Variants in MTMR7 observed in about 807,000 individuals in gnomAD.
MTMR7 encodes the protein phosphatidylinositol-3-phosphate phosphatase MTMR7.
Under a neutral mutation model 81.2 loss-of-function variants are expected in MTMR7, and 76 were observed. That is an observed-to-expected ratio of 0.94 (90% CI 0.78 to 1.13). The LOEUF (loss-of-function observed/expected upper bound fraction) is 1.13. MTMR7 is among the 50% of genes most tolerant of loss of function. The pLI, the probability that MTMR7 is intolerant of heterozygous loss-of-function variation, is 0.00. For missense variants in MTMR7, 1,044 were observed against 820.0 expected, an observed-to-expected ratio of 1.27 and a Z score of -3.34; for synonymous variants, 372 against 289.8, an observed-to-expected ratio of 1.28 and a Z score of -2.88.
intron 1 of MTMR7, among the ~76,000 whole-genome samples, chr8:17,406,860 C>A (rs568019790): frequency 6.6e-6 from 1 of 152,014 alleles, no homozygotes; most frequent in Non-Finnish European, 1.5e-5. Context: ...GAAGAGGTCA[C>A]AAAAGGCCAC....
At chr8:17,357,726 T>C (rs890139429) in intron 4 of MTMR7, among the ~76,000 whole-genome samples, 1 of 152,124 alleles carries the variant, frequency 6.6e-6, no homozygotes, top group African/African-American at 2.4e-5. Flanking sequence ...GGAATAGCAA[T>C]GCCAAACTGC....
intron 5 of MTMR7, 63 bp from the exon 6 acceptor site, chr8:17,341,560 A>C (rs1586220814): frequency 6.4e-7 from 1 of 1,568,632 alleles, no homozygotes; most frequent in Non-Finnish European, 8.7e-7. Context: ...GAGACACTCT[A>C]CGTGTGTCTC....
At chr8:17,359,641 G>A (rs1820002631) in intron 4 of MTMR7, among the ~76,000 whole-genome samples, 1 of 140,880 alleles carries the variant, frequency 7.1e-6, no homozygotes, top group Non-Finnish European at 1.5e-5. Context: ...AAAATACCCA[G>A]AATTCAAAAT....
chr8:17,330,568 T>C (rs1401861673), intron 7 of MTMR7, among the ~76,000 whole-genome samples: 5 of 152,234 alleles, frequency 3.3e-5, no homozygotes, highest in Admixed American at 1.3e-4. Context: ...TCTTCTCTAT[T>C]ACATAATCCA....
intron 1 of MTMR7, among the ~76,000 whole-genome samples, chr8:17,408,824 TTAACTACTAATGGGC>T (rs1322142598): frequency 6.6e-6 from 1 of 152,076 alleles, no homozygotes; most frequent in Non-Finnish European, 1.5e-5. Context: ...ATCATCAAGT[TTAACTACTAATGGGC>T]TAACTACTAA....
chr8:17,399,550 C>T (rs1435473378), intron 1 of MTMR7, among the ~76,000 whole-genome samples: 2 of 152,136 alleles, frequency 1.3e-5, no homozygotes, highest in South Asian at 2.1e-4. Context: ...AATGCCCATA[C>T]AACCCAAAGT....
chr8:17,301,384 G>A (rs1016723630), intron 13 of MTMR7, among the ~76,000 whole-genome samples: 5 of 152,190 alleles, frequency 3.3e-5, no homozygotes, highest in African/African-American at 1.2e-4. Context: ...TGGACATTCT[G>A]GTGATAGCTA....
At chr8:17,305,131 A>T (rs1817369260) in intron 11 of MTMR7, among the ~76,000 whole-genome samples, 1 of 152,222 alleles carries the variant, frequency 6.6e-6, no homozygotes, top group Non-Finnish European at 1.5e-5. Flanking sequence ...TATCCACTAC[A>T]AAAATTAATT....
At chr8:17,322,061 T>C (rs1195226514) in intron 7 of MTMR7, among the ~76,000 whole-genome samples, 2 of 152,176 alleles carry the variant, frequency 1.3e-5, no homozygotes, top group Non-Finnish European at 2.9e-5. Context: ...GTCTTTCTTG[T>C]ACCCTGAGAT....
At chr8:17,407,957 T>C (rs1291450473) in intron 1 of MTMR7, among the ~76,000 whole-genome samples, 3 of 152,138 alleles carry the variant, frequency 2.0e-5, no homozygotes, top group Non-Finnish European at 4.4e-5. Flanking sequence ...GAAAATGAGA[T>C]CACTATTTGC....
chr8:17,325,109 A>G (rs1818612599), intron 7 of MTMR7, among the ~76,000 whole-genome samples: 1 of 152,112 alleles, frequency 6.6e-6, no homozygotes, highest in Non-Finnish European at 1.5e-5. Flanking sequence ...GTGTCGAGCA[A>G]AAGGGACATC....
At position 17,313,345 on chromosome 8, in the gene MTMR7, C is replaced by T; in HGVS notation, c.922G>A (p.Gly308Ser). The T allele has an allele frequency of 2.5e-6, 4 of 1,613,036 alleles. No homozygotes were observed. Among genetic ancestry groups the T allele is most frequent in the Non-Finnish European group, 3.4e-6 (4 of 1,179,214 alleles). ...ATGGCTTTAATGTGCCTTAACCAGC[C>T]AGAGTTCTCCAGACCCCACAGGAAA... ...SDFLWGLENS[G>S]WLRHIKAIMD... is the part of the protein sequence containing the mutation. Residue 308 changes from glycine (G) to serine (S), a missense_variant, in exon 8 of 14, where the codon GGC (glycine) becomes AGC (serine). Physicochemically the swap from Gly to Ser is moderately conservative, Grantham distance 56. Coordinates refer to ENST00000180173, the MANE Select transcript of MTMR7 (RefSeq NM_004686.5).
At chr8:17,375,229 A>C (rs999990920) in intron 1 of MTMR7, among the ~76,000 whole-genome samples, 6 of 151,870 alleles carry the variant, frequency 4.0e-5, no homozygotes, top group African/African-American at 1.5e-4. Context: ...AGGACCCAAG[A>C]CCTCCCATTG....
intron 1 of MTMR7, among the ~76,000 whole-genome samples, chr8:17,387,994 A>C (rs929879800): frequency 1.3e-5 from 2 of 152,214 alleles, no homozygotes; most frequent in Non-Finnish European, 2.9e-5. Flanking sequence ...ATACAAGCTA[A>C]AATAGTGACA....
chr8:17,354,658 C>A (rs886441644), intron 4 of MTMR7, among the ~76,000 whole-genome samples: 1 of 152,124 alleles, frequency 6.6e-6, no homozygotes, highest in Non-Finnish European at 1.5e-5. Context: ...AATGACACTT[C>A]CTGACCCACC....
intron 1 of MTMR7, among the ~76,000 whole-genome samples, chr8:17,391,181 T>G (rs1433799549): frequency 6.6e-6 from 1 of 152,010 alleles, no homozygotes; most frequent in Admixed American, 6.6e-5. Context: ...AAGTAGGAGA[T>G]GAGGTGCCCA....
At chr8:17,355,724 T>C (rs1400831988) in intron 4 of MTMR7, among the ~76,000 whole-genome samples, 7 of 127,164 alleles carry the variant, frequency 5.5e-5, no homozygotes, top group Non-Finnish European at 1.1e-4. Flanking sequence ...GGCTACATTA[T>C]ATAAAGAACT....
rs147637471 is a variant in MTMR7 at position 17,311,530 on chromosome 8, C to T, written c.1082G>A (p.Arg361Gln). Residue 361 changes from arginine (R) to glutamine (Q), a missense_variant, in exon 9 of 14, where the codon CGG becomes CAG. By Grantham distance (43) the Arg-to-Gln change is conservative (BLOSUM62 1). Transcript: ENST00000180173. The part of the protein sequence containing the change: ...VASLLLDPHY[R>Q]TLKGFMVLIE... ...ACTCACCATGAAGCCCTTCAGAGTCCGGTAGTGAGGGTCCAGCAGCAGGCT... is the reference window on the plus strand; with the variant it reads ...ACTCACCATGAAGCCCTTCAGAGTCTGGTAGTGAGGGTCCAGCAGCAGGCT... The T allele has an allele frequency of 5.4e-5, 87 of 1,613,942 alleles. No individual in the cohort carries two copies. The highest frequency in any genetic ancestry group is 6.9e-5 in the Non-Finnish European group (82 of 1,180,022).
At chr8:17,346,874 C>T (rs1377557035) in intron 5 of MTMR7, among the ~76,000 whole-genome samples, 1 of 129,900 alleles carries the variant, frequency 7.7e-6, no homozygotes, top group Non-Finnish European at 1.6e-5. Context: ...CTCTATTTAT[C>T]CTATCTTAAT....
Sources: allele counts gnomAD v4.1 joint callset (sites outside exome capture counted in the v4.1 genomes callset), GRCh38; gene constraint gnomAD v4.1.1; transcripts MANE v1.5; gene names NCBI Gene and HGNC (gene_info 2026-07-23, HGNC 2026-07-21).